RIMS2: variants seen among roughly 807,000 people sequenced by gnomAD.
RIMS2 encodes the protein regulating synaptic membrane exocytosis 2.
In RIMS2, 59 loss-of-function variants were observed where a neutral mutation model predicts 174.4. That is an observed-to-expected ratio of 0.34 (90% CI 0.27 to 0.42). The LOEUF is 0.42. RIMS2 is among the 10% of genes least tolerant of loss of function. The probability of loss-of-function intolerance (pLI) is 1.00; values close to 1 mark genes in which losing one functional copy is unlikely to be tolerated. For missense variants in RIMS2, 1,620 were observed against 1,666.3 expected (o/e 0.97, Z 0.48); for synonymous variants, 606 against 572.5 (o/e 1.06, Z -0.84).
intron 1 of RIMS2, among the ~76,000 whole-genome samples, chr8:103,695,780 G>A (rs1324586874): frequency 2.0e-5 from 3 of 151,532 alleles, no homozygotes; most frequent in African/African-American, 4.8e-5. Flanking sequence ...TCACTCCAAA[G>A]CTTTCCAGCT....
At chr8:104,179,275 A>G (rs2098925889) in intron 19 of RIMS2, among the ~76,000 whole-genome samples, 1 of 152,100 alleles carries the variant, frequency 6.6e-6, no homozygotes, top group African/African-American at 2.4e-5. Context: ...GGGGATTTTA[A>G]TAGTTTGGTA....
chr8:103,501,198 A>T, intron 1 of RIMS2, 136 bp downstream of exon 1: 1 of 519,662 alleles, frequency 1.9e-6, no homozygotes, highest in Non-Finnish European at 3.1e-6. Context: ...GGCTGCGGCC[A>T]GCGCCGGCCG....
At chr8:103,525,050 A>AT (rs1441277106) in intron 1 of RIMS2, among the ~76,000 whole-genome samples, 5 of 152,228 alleles carry the variant, frequency 3.3e-5, no homozygotes, top group Non-Finnish European at 5.9e-5. Flanking sequence ...ATAGTCTGAA[A>AT]TAAGAGCAGG....
chr8:103,646,197 G>A (rs2096328264), intron 1 of RIMS2, among the ~76,000 whole-genome samples: 1 of 152,098 alleles, frequency 6.6e-6, no homozygotes, highest in African/African-American at 2.4e-5. Context: ...GGCAGGAACT[G>A]GCCATCTGGA....
At position 104,177,974 on chromosome 8, in the gene RIMS2, G is replaced by T. The variant is rs577408771; in HGVS notation, c.3335-66942G>T. Among the ~76,000 whole-genome samples, 6 of 152,262 alleles carry T rather than the reference G, an allele frequency of 3.9e-5. No homozygotes were observed. In the South Asian group the frequency reaches 1.2e-3, roughly 32 times the overall value. On this transcript the variant is annotated intron_variant, in intron 19 of 23. Coordinates refer to ENST00000504942, the Ensembl canonical transcript of RIMS2. ...TTTAATAAAGAACTCTAATGATGGT[G>T]TCTACCATATGGAAGCAGACAAGAA... is the stretch of plus-strand genomic sequence containing the variant.
At chr8:103,744,771 A>T (rs1422114034) in intron 2 of RIMS2, among the ~76,000 whole-genome samples, 1 of 152,224 alleles carries the variant, frequency 6.6e-6, no homozygotes, top group African/African-American at 2.4e-5. Context: ...CAGTGGGTTG[A>T]TTCTGAGAAG....
intron 2 of RIMS2, among the ~76,000 whole-genome samples, chr8:103,719,944 G>T (rs67607591): frequency 0.18 from 26,696 of 151,898 alleles, 2,521 homozygotes; most frequent in African/African-American, 0.23. Context: ...TCTCTCTTTT[G>T]ACAACAGTTA....
At chr8:103,899,699 G>T (rs1330824769) in intron 4 of RIMS2, among the ~76,000 whole-genome samples, 1 of 151,520 alleles carries the variant, frequency 6.6e-6, no homozygotes, top group East Asian at 1.9e-4. Context: ...AGTTTCTTTT[G>T]CTGTGCAGAA....
At chr8:103,952,980 T>C (rs1240583829) in intron 14 of RIMS2, among the ~76,000 whole-genome samples, 2 of 152,080 alleles carry the variant, frequency 1.3e-5, no homozygotes, top group African/African-American at 4.8e-5. Context: ...TGAGTATGAT[T>C]AGCTGAATTT....
intron 19 of RIMS2, among the ~76,000 whole-genome samples, chr8:104,110,217 A>G (rs1317602575): frequency 1.3e-5 from 2 of 152,178 alleles, no homozygotes; most frequent in East Asian, 1.9e-4. Flanking sequence ...CCAGTATTAC[A>G]TAAGTGTCAA....
At chr8:103,838,787 C>T (rs912554409) in intron 3 of RIMS2, among the ~76,000 whole-genome samples, 3 of 152,090 alleles carry the variant, frequency 2.0e-5, no homozygotes, top group Non-Finnish European at 2.9e-5. Flanking sequence ...AGTTCCTGGC[C>T]GGACTCGGTG....
At chr8:103,828,533 G>A (rs2098805597) in intron 3 of RIMS2, among the ~76,000 whole-genome samples, 1 of 152,006 alleles carries the variant, frequency 6.6e-6, no homozygotes, top group South Asian at 2.1e-4. Context: ...TTCTGTAGGT[G>A]TCTGTTGATA....
intron 6 of RIMS2, among the ~76,000 whole-genome samples, chr8:103,915,076 A>G (rs184203703): frequency 6.6e-6 from 1 of 152,166 alleles, no homozygotes; most frequent in East Asian, 1.9e-4. Flanking sequence ...TATCAATGAA[A>G]ATTTGGTGGT....
chr8:103,689,913 TG>T (rs2096993348), intron 1 of RIMS2, among the ~76,000 whole-genome samples: 1 of 8,122 alleles, frequency 1.2e-4, no homozygotes, highest in Non-Finnish European at 2.0e-4. Context: ...ATTTTTTGTT[TG>T]ATTGTTTGTT....
Position 104,124,050 on chromosome 8 carries a change from ATTTTTTAAT to A in RIMS2, c.3334+109438_3334+109446del, listed in dbSNP as rs571087547. On this transcript the variant is annotated intron_variant, in intron 19 of 23. Coordinates refer to ENST00000504942, the Ensembl canonical transcript of RIMS2. ...GCTATACTGAAAATAACATCTTGGT[ATTTTTTAAT>A]TTAAAAGCAGCCAGTGCAAAATTTT... is the stretch of plus-strand genomic sequence containing the variant. Among the ~76,000 whole-genome samples the A allele has an allele frequency of 1.8e-4, 28 of 152,274 alleles. No individual in the cohort carries two copies. In the East Asian group the frequency reaches 5.4e-3, roughly 29 times the overall value.
At chr8:103,768,671 A>G (rs1394043140) in intron 3 of RIMS2, 1 of 800,586 alleles carries the variant, frequency 1.2e-6, no homozygotes, top group Non-Finnish European at 2.3e-6. Flanking sequence ...ACGATGCCTC[A>G]TCACCTGGGG....
At chr8:103,699,065 G>T (rs530440748) in intron 2 of RIMS2, among the ~76,000 whole-genome samples, 2 of 152,252 alleles carry the variant, frequency 1.3e-5, no homozygotes, top group East Asian at 3.9e-4. Context: ...CTTGAATAAG[G>T]TTTCATTGTT....
intron 19 of RIMS2, among the ~76,000 whole-genome samples, chr8:104,073,017 T>G (rs574302398): frequency 6.6e-6 from 1 of 152,350 alleles, no homozygotes; most frequent in East Asian, 1.9e-4. Context: ...CCAGCTTGAA[T>G]GTGATTCATC....
chr8:104,057,959 A>G (rs1265064208), intron 19 of RIMS2, among the ~76,000 whole-genome samples: 1 of 151,962 alleles, frequency 6.6e-6, no homozygotes, highest in Admixed American at 6.6e-5. Context: ...TTTTTAATCC[A>G]GTCTATCGTT....
Sources: gnomAD v4.1 joint callset for allele counts (sites outside exome capture counted in the v4.1 genomes callset) on GRCh38, gnomAD v4.1.1 for gene constraint, MANE v1.5 for transcripts, NCBI Gene and HGNC (gene_info 2026-07-23, HGNC 2026-07-21) for gene names.